The following FREM1 variants were observed in gnomAD, a reference collection of about 807,000 sequenced individuals.
FREM1 encodes FRAS1-related extracellular matrix protein 1.
A neutral mutation model predicts 210.1 loss-of-function variants in FREM1; 220 were observed. The observed-to-expected ratio is 1.05, with a 90% CI of 0.94 to 1.17. The LOEUF is 1.17. Among genes scored for constraint, FREM1 ranks in the 50% most tolerant of loss-of-function variants. The pLI is 0.00. For missense variants in FREM1, 3,454 were observed against 2,675.5 expected (o/e 1.29, Z -6.42); for synonymous variants, 1,189 against 980.2 (o/e 1.21, Z -3.98).
Position 14,808,011 on chromosome 9 carries a change from G to T in FREM1, c.3017C>A (p.Ala1006Glu), listed in dbSNP as rs767135696. 2 of 1,613,528 alleles carry T rather than the reference G, an allele frequency of 1.2e-6. No homozygotes were observed. Among genetic ancestry groups the T allele is most frequent in the Admixed American group, 1.7e-5 (1 of 59,998 alleles). The change falls in exon 17 of 37, where the codon GCG becomes GAG. Residue 1006 changes from alanine to glutamate, a missense_variant. Transcript: ENST00000380880. ...NGPNPSVPLH[A>E]SFPVYDLNIT... ...GTTGAGATCATACACTGGAAAGGAC[G>T]CATGAAGTGGAACAGATGGATTGGG... is the stretch of plus-strand genomic sequence containing the variant.
intron 22 of FREM1, 21 bp downstream of exon 22, chr9:14,792,722 T>A (rs374484245): frequency 6.4e-7 from 1 of 1,559,606 alleles, no homozygotes; most frequent in Non-Finnish European, 8.7e-7. Context: ...TTTTGAAAAA[T>A]AAAAGTAAGA....
intron 6 of FREM1, chr9:14,850,568 T>A: frequency 6.6e-6 from 1 of 152,106 alleles, no homozygotes; most frequent in African/African-American, 2.4e-5. Context: ...CTGTCGGGGT[T>A]GGGGGTGGAG....
At chr9:14,870,582 T>G (rs1057138160) in intron 1 of FREM1, among the ~76,000 whole-genome samples, 35 of 152,160 alleles carry the variant, frequency 2.3e-4, no homozygotes, top group African/African-American at 8.2e-4. Flanking sequence ...AATCAGTGTA[T>G]CCTTTTATCA....
At position 14,770,311 on chromosome 9, in the gene FREM1, T is replaced by C. The variant is rs186804157; in HGVS notation, c.5059+294A>G. On this transcript the variant is annotated intron_variant, in intron 26 of 36. Coordinates refer to ENST00000380880, the MANE Select transcript of FREM1 (RefSeq NM_001379081.2). ...GACAGAATAAAAAATTAGTCACAAA[T>C]AGGAAATTTGGTCCTGATATTATGT... Among the ~76,000 whole-genome samples, 337 of 152,266 alleles carry C rather than the reference T, an allele frequency of 2.2e-3. 2 individuals carry two copies. The highest frequency in any genetic ancestry group is 3.4e-3 in the Middle Eastern group (1 of 294).
chr9:14,841,164 C>T (rs182648834), intron 10 of FREM1, among the ~76,000 whole-genome samples: 231 of 152,250 alleles, frequency 1.5e-3, no homozygotes, highest in Non-Finnish European at 2.7e-3. Flanking sequence ...TAAATGTTTT[C>T]TTGAGTGTCG....
intron 3 of FREM1, among the ~76,000 whole-genome samples, chr9:14,860,543 A>ATGTG (rs1564098447): frequency 0.02 from 2,488 of 121,816 alleles, 307 homozygotes; most frequent in African/African-American, 0.081. Flanking sequence ...GTATATATAT[A>ATGTG]CACATATATA....
intron 29 of FREM1, among the ~76,000 whole-genome samples, chr9:14,752,192 G>A (rs1054564859): frequency 2.0e-5 from 3 of 151,764 alleles, no homozygotes; most frequent in Non-Finnish European, 2.9e-5. Context: ...AGCAAAACCA[G>A]AAAAGTCAAA....
At chr9:14,822,113 C>T (rs1416702102) in intron 13 of FREM1, among the ~76,000 whole-genome samples, 1 of 152,168 alleles carries the variant, frequency 6.6e-6, no homozygotes, top group Admixed American at 6.5e-5. Flanking sequence ...CTCTTGCCTG[C>T]CACCATGTAA....
chr9:14,853,897 G>A (rs1414230680), intron 5 of FREM1, among the ~76,000 whole-genome samples: 3 of 152,172 alleles, frequency 2.0e-5, no homozygotes, highest in Admixed American at 2.0e-4. Flanking sequence ...GACCAATTGA[G>A]TCTAGAGTCA....
In FREM1 at chr9:14,860,688, T is replaced by C. The variant is rs866474491; in HGVS notation, c.330-1204A>G. Among the ~76,000 whole-genome samples the C allele has an allele frequency of 5.1e-3, 582 of 113,098 alleles. 8 individuals carry two copies. The highest frequency in any genetic ancestry group is 0.021 in the African/African-American group (469 of 21,926). The allele number at this position is 113,098 out of a possible 152,430, so 74.2% of individuals were successfully genotyped here. A position where few individuals can be genotyped will look rare whatever the true frequency, so the allele number is the denominator to read the frequency against. ...ACATATATACACACATATATACACA[T>C]ATATACACACATATATACACACATA... is the stretch of plus-strand genomic sequence containing the variant. On this transcript the variant is annotated intron_variant, in intron 3 of 36. Coordinates refer to ENST00000380880, the MANE Select transcript of FREM1 (RefSeq NM_001379081.2).
intron 27 of FREM1, among the ~76,000 whole-genome samples, chr9:14,763,739 G>T (rs550277304): frequency 6.6e-6 from 1 of 152,238 alleles, no homozygotes; most frequent in South Asian, 2.1e-4. Context: ...CCCTGCTCCT[G>T]GTCAAGTTTT....
intron 15 of FREM1, among the ~76,000 whole-genome samples, chr9:14,813,991 G>A (rs764857987): frequency 1.3e-5 from 2 of 152,090 alleles, no homozygotes; most frequent in Non-Finnish European, 2.9e-5. Context: ...ATGCTATGGG[G>A]TGCCTTTGCC....
In FREM1 at chr9:14,864,344, A is replaced by G. The variant is rs189370284; in HGVS notation, c.235-441T>C. Among the ~76,000 whole-genome samples, 4 of 152,278 alleles carry G rather than the reference A, an allele frequency of 2.6e-5. No individual in the cohort carries two copies. The East Asian group carries it at 5.8e-4, about 22-fold the overall frequency. On this transcript the variant is annotated intron_variant, in intron 2 of 36. Transcript: ENST00000380880. ...CACAAACACACTGTATTCTTTCTGTATATCTGTGTTCTCCTTTCATTTCTT... is the reference window on the plus strand; with the variant it reads ...CACAAACACACTGTATTCTTTCTGTGTATCTGTGTTCTCCTTTCATTTCTT...
At chr9:14,759,403 G>C (rs772176116) in intron 28 of FREM1, among the ~76,000 whole-genome samples, 1 of 149,112 alleles carries the variant, frequency 6.7e-6, no homozygotes, top group Non-Finnish European at 1.5e-5. Context: ...CCAGCTACTC[G>C]GGAGCCTGAG....
At chr9:14,826,808 C>G (rs530915196) in intron 10 of FREM1, among the ~76,000 whole-genome samples, 37 of 152,150 alleles carry the variant, frequency 2.4e-4, no homozygotes, top group Non-Finnish European at 4.3e-4. Context: ...TGTGTGAGGA[C>G]ACAGCATTTG....
chr9:14,737,273 G>T lies in FREM1; in HGVS notation c.*123C>A. The stretch of plus-strand genomic sequence containing the variant: ...TATTAAAAATGTCCCATTTTCACTA[G>T]ACAGAATCACAAAGGTATACCCACT... On this transcript the variant is annotated 3_prime_UTR_variant, in exon 37 of 37. Coordinates refer to ENST00000380880, the MANE Select transcript of FREM1 (RefSeq NM_001379081.2). 1.7e-6 allele frequency: 1 copy of T among 600,500 alleles called. No homozygotes were observed. Among genetic ancestry groups the T allele is most frequent in the Non-Finnish European group, 2.8e-6 (1 of 352,412 alleles). 37.2% of individuals were successfully genotyped at this position (600,500 alleles called of 1,614,324 possible).
At chr9:14,862,755 C>T (rs1236925625) in intron 3 of FREM1, among the ~76,000 whole-genome samples, 1 of 152,138 alleles carries the variant, frequency 6.6e-6, no homozygotes, top group Non-Finnish European at 1.5e-5. Context: ...TTGTGCCTGG[C>T]TTCTTTTACT....
rs201898982 is a variant in FREM1, at chr9:14,823,141, T to C, written c.2337+19A>G. The C allele has an allele frequency of 2.1e-3, 3,404 of 1,600,082 alleles. 3 individuals are homozygous for C. Among genetic ancestry groups the C allele is most frequent in the Non-Finnish European group, 2.8e-3 (3,234 of 1,167,618 alleles). On this transcript the variant is annotated intron_variant, in intron 13 of 36. Transcript: ENST00000380880. Reference sequence around the variant, plus strand: ...TTCTTTTCCTCCTTTTCATCCTCTATATAGAACATTGTACATACCTCAGGA... The same window carrying C: ...TTCTTTTCCTCCTTTTCATCCTCTACATAGAACATTGTACATACCTCAGGA...
At chr9:14,896,068 G>T (rs748127357) in intron 1 of FREM1, among the ~76,000 whole-genome samples, 4 of 152,088 alleles carry the variant, frequency 2.6e-5, no homozygotes, top group Non-Finnish European at 5.9e-5. Flanking sequence ...ACAAGATACA[G>T]GTCATAAAGA....
Sources: gnomAD v4.1 joint callset for allele counts (sites outside exome capture counted in the v4.1 genomes callset) on GRCh38, gnomAD v4.1.1 for gene constraint, MANE v1.5 for transcripts, NCBI Gene and HGNC (gene_info 2026-07-23, HGNC 2026-07-21) for gene names.